The following ZNF177 variants were observed in gnomAD, a reference collection of about 807,000 sequenced individuals.
The protein encoded by ZNF177 is zinc finger protein 177.
In ZNF177, 17 loss-of-function variants were observed where a neutral mutation model predicts 19.4. That is an observed-to-expected ratio of 0.87 (90% CI 0.60 to 1.31). The LOEUF (loss-of-function observed/expected upper bound fraction) is 1.31, where lower values mean the gene tolerates loss of function less well. Among genes scored for constraint, ZNF177 ranks in the 40% most tolerant of loss-of-function variants. The pLI, the probability that ZNF177 is intolerant of heterozygous loss-of-function variation, is 0.00. For synonymous variants in ZNF177, 220 were observed against 188.7 expected (o/e 1.17, Z -1.36); for missense variants, 633 against 561.8 (o/e 1.13, Z -1.28).
intron 1 of ZNF177, 134 bp from the exon 2 acceptor site, chr19:9,364,728 T>G (rs2067954396): frequency 6.6e-6 from 1 of 152,096 alleles, no homozygotes. Context: ...ATCCTAGGGA[T>G]CCAGCTAGGG....
exon 6 of ZNF177, chr19:9,381,881 C>T (rs771308078): frequency 2.0e-6 from 3 of 1,486,270 alleles, no homozygotes; most frequent in Non-Finnish European, 2.7e-6. Context: ...AGCCTTCTGG[C>T]CCAACTCTGG....
At chr19:9,376,848 A>G (rs924236116) in intron 1 of ZNF177, among the ~76,000 whole-genome samples, 3 of 152,200 alleles carry the variant, frequency 2.0e-5, no homozygotes, top group Admixed American at 1.3e-4. Context: ...GATTGAGTAT[A>G]TAATTACCTT....
intron 1 of ZNF177, among the ~76,000 whole-genome samples, chr19:9,376,682 C>T (rs544910711): frequency 1.3e-5 from 2 of 152,150 alleles, no homozygotes; most frequent in East Asian, 3.8e-4. Flanking sequence ...TTATACTCTT[C>T]CATTTCCCAC....
chr19:9,378,750 A>G (rs1227017263), intron 2 of ZNF177: 13 of 736,168 alleles, frequency 1.8e-5, no homozygotes, highest in Non-Finnish European at 2.2e-5. Context: ...TGTTTTGACC[A>G]TGACCCTGAA....
intron 2 of ZNF177, among the ~76,000 whole-genome samples, chr19:9,367,117 A>G (rs2067990330): frequency 6.6e-6 from 1 of 152,150 alleles, no homozygotes; most frequent in East Asian, 1.9e-4. Context: ...TCAGCAGATC[A>G]AGACCATCCT....
intron 1 of ZNF177, among the ~76,000 whole-genome samples, chr19:9,377,777 G>A (rs1415244955): frequency 2.0e-5 from 3 of 151,990 alleles, no homozygotes; most frequent in African/African-American, 4.8e-5. Context: ...TCACCTTTAT[G>A]GTCCTTATGA....
chr19:9,374,229 C>T (rs1273638986), upstream of ZNF177, among the ~76,000 whole-genome samples: 1 of 152,132 alleles, frequency 6.6e-6, no homozygotes, highest in African/African-American at 2.4e-5. Context: ...GGGTTTATTT[C>T]TGGGCTTCCT....
chr19:9,372,484 A>C (rs1439199897), upstream of ZNF177, among the ~76,000 whole-genome samples: 2 of 148,666 alleles, frequency 1.3e-5, no homozygotes, highest in Non-Finnish European at 3.0e-5. Context: ...CCATTTTGCC[A>C]TTCTTATTAC....
chr19:9,380,734 C>CG lies in ZNF177; in HGVS notation c.404dup (p.Phe136LeufsTer14). On this transcript the variant is annotated frameshift_variant, in exon 6 of 6. Transcript: ENST00000589262. LOFTEE classifies it low-confidence loss of function (END_TRUNC). ...TTGTGGGAAATTCAGAAAGAACACT[C>CG]GCTTTATTTGTACAAGATATTGCAA... The CG allele has an allele frequency of 6.5e-7, 1 of 1,535,872 alleles. No homozygotes were observed. The highest frequency in any genetic ancestry group is 1.2e-5 in the South Asian group (1 of 84,020).
chr19:9,365,610 CCT>C (rs1252544926), intron 2 of ZNF177, among the ~76,000 whole-genome samples: 2 of 152,232 alleles, frequency 1.3e-5, no homozygotes, highest in African/African-American at 4.8e-5. Context: ...TGGTCAGACA[CCT>C]CTGAAATGTG....
intron 2 of ZNF177, among the ~76,000 whole-genome samples, chr19:9,367,709 G>T (rs369856332): frequency 2.0e-5 from 3 of 151,974 alleles, no homozygotes; most frequent in African/African-American, 7.3e-5. Flanking sequence ...TCTTAATCAC[G>T]GTAATCCCTT....
intron 1 of ZNF177, chr19:9,363,289 G>C (rs2067930151): frequency 6.6e-6 from 1 of 152,326 alleles, no homozygotes; most frequent in South Asian, 2.1e-4. Flanking sequence ...TTCCCGGGAG[G>C]AGGCAAGTGG....
At chr19:9,379,495 T>G (rs773873526) in intron 3 of ZNF177, 32 bp from the exon 6 acceptor site, 1 of 1,603,110 alleles carries the variant, frequency 6.2e-7, no homozygotes, top group South Asian at 1.1e-5. Flanking sequence ...TCTCACACAT[T>G]TCTCCCACAT....
chr19:9,382,081 C>G, exon 6 of ZNF177: 1 of 417,856 alleles, frequency 2.4e-6, no homozygotes, highest in East Asian at 3.5e-5. Flanking sequence ...TAGATTTGAA[C>G]ATAATTGCTG....
At chr19:9,366,932 A>G (rs995345456) in intron 2 of ZNF177, among the ~76,000 whole-genome samples, 1 of 152,192 alleles carries the variant, frequency 6.6e-6, no homozygotes, top group African/African-American at 2.4e-5. Flanking sequence ...CCTGGTGTCT[A>G]ATGATGTTCA....
intron 2 of ZNF177, chr19:9,378,595 CTT>C (rs1466371937): frequency 3.3e-6 from 2 of 603,202 alleles, no homozygotes; most frequent in Non-Finnish European, 5.6e-6. Context: ...TAAAGAAAGA[CTT>C]TTACTAGGAA....
At chr19:9,367,359 C>T (rs1472666236) in intron 2 of ZNF177, among the ~76,000 whole-genome samples, 1 of 152,014 alleles carries the variant, frequency 6.6e-6, no homozygotes, top group Non-Finnish European at 1.5e-5. Context: ...GAATTAAATT[C>T]AGCCCGAAAG....
upstream of ZNF177, among the ~76,000 whole-genome samples, chr19:9,373,785 A>T (rs181483509): frequency 9.1e-4 from 138 of 151,426 alleles, no homozygotes; most frequent in Non-Finnish European, 1.8e-3. Flanking sequence ...TTTTTATTCC[A>T]TTTTTTTCTA....
chr19:9,366,364 C>T lies in ZNF177; in HGVS notation c.-305+1416C>T, dbSNP rs114446734. Among the ~76,000 whole-genome samples, 988 of 152,200 alleles carry T rather than the reference C, an allele frequency of 6.5e-3. 14 individuals carry two copies. The highest frequency in any genetic ancestry group is 0.023 in the African/African-American group (942 of 41,532). ...GTGCCCTCGACCTCCCTAGCTCGGCCTTCCACCTTAGCCTCCCGAGTAGGT... is the reference window on the plus strand; with the variant it reads ...GTGCCCTCGACCTCCCTAGCTCGGCTTTCCACCTTAGCCTCCCGAGTAGGT... On this transcript the variant is annotated intron_variant, in intron 2 of 8. Coordinates refer to the ZNF177 transcript ENST00000343499.
Sources: gnomAD v4.1 joint callset for allele counts (sites outside exome capture counted in the v4.1 genomes callset) on GRCh38, gnomAD v4.1.1 for gene constraint, MANE v1.5 for transcripts, NCBI Gene and HGNC (gene_info 2026-07-23, HGNC 2026-07-21) for gene names.